The following USP15 variants were observed in gnomAD, a reference collection of about 807,000 sequenced individuals.
USP15 encodes the protein ubiquitin specific peptidase 15.
In USP15, 18 loss-of-function variants were observed where a neutral mutation model predicts 127.1. The ratio of observed to expected loss-of-function variants is 0.14; its 90% CI spans 0.10 to 0.21. The LOEUF (loss-of-function observed/expected upper bound fraction) is 0.21. Among genes scored for constraint, USP15 ranks in the 10% least tolerant of loss-of-function variants. The probability of loss-of-function intolerance (pLI) is 1.00; values close to 1 mark genes in which losing one functional copy is unlikely to be tolerated. For missense variants in USP15, 805 were observed against 1,159.9 expected, an observed-to-expected ratio of 0.69 and a Z score of 4.44; for synonymous variants, 364 against 393.7, an observed-to-expected ratio of 0.92 and a Z score of 0.89.
chr12:62,388,019 A>AT lies in USP15; in HGVS notation c.1474-1408dup, dbSNP rs542437658. Among the ~76,000 whole-genome samples, 291 of 151,530 alleles carry AT rather than the reference A, an allele frequency of 1.9e-3. 3 individuals are homozygous for AT. Among genetic ancestry groups the AT allele is most frequent in the African/African-American group, 6.8e-3 (280 of 41,312 alleles). ...AAGTTAGTAGAACAGGAAGTTGGAG[A>AT]TTTTCCCACCCAGTAGTTTCTGTTT... On this transcript the variant is annotated intron_variant, in intron 11 of 21. Transcript: ENST00000280377.
intron 3 of USP15, chr12:62,303,581 A>G (rs1007926142): frequency 2.6e-5 from 4 of 152,032 alleles, no homozygotes; most frequent in Non-Finnish European, 5.9e-5. Context: ...ATAATTTTGT[A>G]TCTGGTTTGG....
At chr12:62,354,124 TGTGTGTGTGTGC>T (rs1468159536) in intron 7 of USP15, among the ~76,000 whole-genome samples, 1 of 151,588 alleles carries the variant, frequency 6.6e-6, no homozygotes, top group Non-Finnish European at 1.5e-5. Flanking sequence ...GGGGGTGGTG[TGTGTGTGTGTGC>T]GTGTGTGTGT....
chr12:62,326,885 A>G (rs2065143181), intron 6 of USP15, among the ~76,000 whole-genome samples: 2 of 152,178 alleles, frequency 1.3e-5, no homozygotes, highest in South Asian at 4.1e-4. Context: ...TAATCCCAGC[A>G]CTTTGGGAGG....
In USP15 at chr12:62,260,543, A is replaced by T. The variant is rs375568439; in HGVS notation, c.89+40A>T. On this transcript the variant is annotated intron_variant, in intron 1 of 21. Transcript: ENST00000280377. ...TTGAGATGCCCGCGGTTGCCCGAGG[A>T]TAGTGGAGAAGTGGGCGGGAGCCGC... The T allele has an allele frequency of 2.0e-6, 3 of 1,534,862 alleles. No homozygotes were observed. The African/African-American group carries it at 4.1e-5, about 21-fold the overall frequency.
At position 62,412,570 on chromosome 12, in the gene USP15, A is replaced by G. The variant is rs991340119; in HGVS notation, c.*8195A>G. The stretch of plus-strand genomic sequence containing the variant: ...TTCTAAATCCTTTGTTGTCTTTTCA[A>G]CAATGTTCACAGCATCTTCACCAGG... On this transcript the variant is annotated 3_prime_UTR_variant, in exon 22 of 22. Coordinates refer to ENST00000280377, the MANE Select transcript of USP15 (RefSeq NM_001252078.2). 2 of 164,226 alleles carry G rather than the reference A, an allele frequency of 1.2e-5. No individual in the cohort carries two copies. The highest frequency in any genetic ancestry group is 4.8e-5 in the African/African-American group (2 of 41,710). The allele number at this position is 164,226 out of a possible 1,614,324, so 10.2% of individuals were successfully genotyped here.
At chr12:62,356,044 T>C (rs2066118127) in intron 8 of USP15, among the ~76,000 whole-genome samples, 1 of 151,652 alleles carries the variant, frequency 6.6e-6, no homozygotes, top group Non-Finnish European at 1.5e-5. Context: ...ATGTCTTTGA[T>C]TGATTCTGAA....
At chr12:62,382,764 TC>T (rs1267704679) in intron 9 of USP15, among the ~76,000 whole-genome samples, 1 of 151,942 alleles carries the variant, frequency 6.6e-6, no homozygotes, top group African/African-American at 2.4e-5. Flanking sequence ...GTGATACTCA[TC>T]CTCCTTTTGC....
At position 62,371,556 on chromosome 12, in the gene USP15, A is replaced by T. The variant is rs991170133; in HGVS notation, c.916-9934A>T. ...AGGGTAATTTTATATCAAGTTTAAT[A>T]ATAAAAAGCAAGACTTGTTTTTTAT... On this transcript the variant is annotated intron_variant, in intron 8 of 21. Transcript: ENST00000280377. Among the ~76,000 whole-genome samples, 3 of 152,306 alleles carry T rather than the reference A, an allele frequency of 2.0e-5. No homozygotes were observed. In the South Asian group the frequency reaches 6.2e-4, roughly 32 times the overall value.
intron 8 of USP15, among the ~76,000 whole-genome samples, chr12:62,357,371 T>C (rs573063526): frequency 2.6e-4 from 40 of 152,252 alleles, no homozygotes; most frequent in Admixed American, 2.4e-3. Flanking sequence ...TTTAGCTTTC[T>C]TGCATGTTAT....
At chr12:62,299,978 C>T (rs2064257846) in intron 2 of USP15, among the ~76,000 whole-genome samples, 1 of 151,962 alleles carries the variant, frequency 6.6e-6, no homozygotes, top group Admixed American at 6.6e-5. Context: ...CATTCAGATC[C>T]TGTGCCTATT....
intron 1 of USP15, among the ~76,000 whole-genome samples, chr12:62,288,571 T>A (rs2063852873): frequency 6.6e-6 from 1 of 152,154 alleles, no homozygotes; most frequent in South Asian, 2.1e-4. Context: ...GCTTCCTCTT[T>A]TCCAACTTGG....
Position 62,409,059 on chromosome 12 carries a change from CT to C in USP15, c.*4690del, listed in dbSNP as rs1370223299. On this transcript the variant is annotated 3_prime_UTR_variant, in exon 22 of 22. Transcript: ENST00000280377. ...GTAAAAATTCAAATATTTATCAAGA[CT>C]TTTTTCTTCACTAATGATGGGGTAA... The C allele has an allele frequency of 6.6e-6, 1 of 151,516 alleles. No individual in the cohort carries two copies. Among genetic ancestry groups the C allele is most frequent in the Non-Finnish European group, 1.5e-5 (1 of 67,936 alleles). The allele number at this position is 151,516 out of a possible 1,614,324, so 9.4% of individuals were successfully genotyped here.
chr12:62,363,645 T>C (rs2066383412), intron 8 of USP15, among the ~76,000 whole-genome samples: 1 of 152,054 alleles, frequency 6.6e-6, no homozygotes, highest in Non-Finnish European at 1.5e-5. Context: ...CTTGTCTGTG[T>C]ATCTTCCCCT....
intron 9 of USP15, among the ~76,000 whole-genome samples, chr12:62,382,191 G>A (rs1213546180): frequency 6.6e-6 from 1 of 151,864 alleles, no homozygotes; most frequent in Non-Finnish European, 1.5e-5. Flanking sequence ...AACTTTTAAG[G>A]TTATTCACAT....
intron 5 of USP15, among the ~76,000 whole-genome samples, chr12:62,323,837 G>A: frequency 6.6e-6 from 1 of 152,120 alleles, no homozygotes; most frequent in Non-Finnish European, 1.5e-5. Flanking sequence ...TGATAGGTAT[G>A]TATTTATCAG....
chr12:62,298,366 A>G (rs1036035540), intron 2 of USP15, among the ~76,000 whole-genome samples: 5 of 151,956 alleles, frequency 3.3e-5, no homozygotes, highest in African/African-American at 1.2e-4. Flanking sequence ...CTCTAGAATA[A>G]ATACAAAAAA....
chr12:62,289,403 A>G (rs759737986), intron 1 of USP15, among the ~76,000 whole-genome samples: 8 of 152,132 alleles, frequency 5.3e-5, no homozygotes, highest in Non-Finnish European at 1.0e-4. Context: ...AGTGATGCTC[A>G]TAGTAGTCTC....
chr12:62,306,102 T>G (rs2064477086), intron 3 of USP15: 1 of 152,170 alleles, frequency 6.6e-6, no homozygotes, highest in Non-Finnish European at 1.5e-5. Flanking sequence ...AGTTTAGCTT[T>G]CAGATGATTG....
intron 6 of USP15, among the ~76,000 whole-genome samples, chr12:62,329,366 A>C (rs920025843): frequency 3.3e-5 from 5 of 152,168 alleles, no homozygotes; most frequent in Non-Finnish European, 5.9e-5. Flanking sequence ...GTGAGACTCT[A>C]TCTGAAAATA....
Sources: gnomAD v4.1 joint callset for allele counts (sites outside exome capture counted in the v4.1 genomes callset) on GRCh38, gnomAD v4.1.1 for gene constraint, MANE v1.5 for transcripts, NCBI Gene and HGNC (gene_info 2026-07-23, HGNC 2026-07-21) for gene names.